Variants in GRIA3 observed in about 807,000 individuals in gnomAD.
The protein encoded by GRIA3 is glutamate ionotropic receptor AMPA type subunit 3, also known as glutamate receptor 3.
GRIA3 carries 3 observed loss-of-function variants against 63.0 expected under a neutral mutation model. The observed-to-expected ratio is 0.05, with a 90% CI of 0.02 to 0.12. The LOEUF is 0.12. Among genes scored for constraint, GRIA3 ranks in the 10% least tolerant of loss-of-function variants. GRIA3 has a pLI of 1.00. For synonymous variants in GRIA3, 274 were observed against 257.9 expected (o/e 1.06, Z -0.60); for missense variants, 347 against 700.9 (o/e 0.50, Z 5.70).
intron 5 of GRIA3, among the ~76,000 whole-genome samples, chrX:123,391,633 A>G (rs776430181): frequency 6.0e-4 from 67 of 111,848 alleles, no homozygotes; most frequent in Non-Finnish European, 1.1e-3. Flanking sequence ...TGGGCCCTCC[A>G]GGCAGCTTGC....
At chrX:123,285,539 T>C (rs1433830128) in intron 3 of GRIA3, among the ~76,000 whole-genome samples, 1 of 16,412 alleles carries the variant, frequency 6.1e-5, no homozygotes, top group East Asian at 2.0e-3. Context: ...AGGCTCAAAA[T>C]AAAGGGATGG....
intron 5 of GRIA3, among the ~76,000 whole-genome samples, chrX:123,380,355 ATC>A (rs1385016129): frequency 8.9e-6 from 1 of 112,091 alleles, no homozygotes; most frequent in Non-Finnish European, 1.9e-5. Context: ...GTGAGATGGT[ATC>A]TCATTGTGGT....
Position 123,489,154 on chromosome X carries a change from T to C in GRIA3, c.*444T>C, listed in dbSNP as rs926844771. Reference sequence around the variant, plus strand: ...ATTCAGCAAAGAGGCCCATCTAAGCTAAAAAAATTAATTCTTCCTGATTAA... The same window carrying C: ...ATTCAGCAAAGAGGCCCATCTAAGCCAAAAAAATTAATTCTTCCTGATTAA... On this transcript the variant is annotated 3_prime_UTR_variant, in exon 16 of 16. Coordinates refer to ENST00000620443, the MANE Select transcript of GRIA3 (RefSeq NM_007325.5). The C allele has an allele frequency of 9.2e-6, 1 of 109,132 alleles. No homozygotes were observed. Among genetic ancestry groups the C allele is most frequent in the African/African-American group, 3.4e-5 (1 of 29,661 alleles). The allele number at this position is 109,132 out of a possible 1,213,427, so 9.0% of individuals were successfully genotyped here. A position where few individuals can be genotyped will look rare whatever the true frequency, so the allele number is the denominator to read the frequency against.
chrX:123,326,759 CAGAG>C (rs752985141), intron 4 of GRIA3, among the ~76,000 whole-genome samples: 6 of 109,162 alleles, frequency 5.5e-5, no homozygotes, highest in African/African-American at 2.0e-4. Context: ...CCCTCTGGAT[CAGAG>C]AGAGAGAGAG....
intron 11 of GRIA3, among the ~76,000 whole-genome samples, chrX:123,423,273 G>T (rs748333503): frequency 8.9e-6 from 1 of 112,141 alleles, no homozygotes; most frequent in South Asian, 3.7e-4. Flanking sequence ...AGGGCAGGGG[G>T]TCTGTCCAGA....
At chrX:123,204,810 G>T in intron 2 of GRIA3, 1 of 288,633 alleles carries the variant, frequency 3.5e-6, no homozygotes, top group Non-Finnish European at 5.4e-6. Context: ...GCTTTGACCT[G>T]GAAATCCCAT....
At chrX:123,290,634 G>T (rs1242472993) in intron 3 of GRIA3, among the ~76,000 whole-genome samples, 2 of 77,785 alleles carry the variant, frequency 2.6e-5, no homozygotes, top group Non-Finnish European at 4.7e-5. Flanking sequence ...GTGTGTAAGG[G>T]TATATGTATA....
intron 2 of GRIA3, among the ~76,000 whole-genome samples, chrX:123,223,228 C>T (rs185802697): frequency 8.9e-6 from 1 of 112,876 alleles, no homozygotes; most frequent in East Asian, 2.8e-4. Flanking sequence ...TCAAGAATGT[C>T]CTTGACACTT....
At chrX:123,401,169 A>G (rs1186391777) in intron 7 of GRIA3, among the ~76,000 whole-genome samples, 1 of 111,948 alleles carries the variant, frequency 8.9e-6, no homozygotes, top group Non-Finnish European at 1.9e-5. Flanking sequence ...ACTGGACCAC[A>G]TCCTTAAAAA....
In GRIA3 at chrX:123,287,274, A is replaced by G. The variant is rs755648798; in HGVS notation, c.508+33732A>G. Among the ~76,000 whole-genome samples the G allele has an allele frequency of 8.1e-4, 91 of 111,928 alleles. 1 individual carries two copies. The South Asian group carries it at 0.033, about 41-fold the overall frequency. ...TTGAAGGAGCATACATCGAAATAATAAGATCTATTTATGACAAACCCACAG... is the reference window on the plus strand; with the variant it reads ...TTGAAGGAGCATACATCGAAATAATGAGATCTATTTATGACAAACCCACAG... On this transcript the variant is annotated intron_variant, in intron 3 of 15. Transcript: ENST00000620443.
At chrX:123,272,397 C>T (rs1478648981) in intron 3 of GRIA3, among the ~76,000 whole-genome samples, 1 of 112,206 alleles carries the variant, frequency 8.9e-6, no homozygotes, top group Non-Finnish European at 1.9e-5. Context: ...TAGGCCTTCA[C>T]CTTTGAGCCT....
At chrX:123,360,278 C>G (rs1221661743) in intron 5 of GRIA3, among the ~76,000 whole-genome samples, 1 of 110,673 alleles carries the variant, frequency 9.0e-6, no homozygotes, top group Non-Finnish European at 1.9e-5. Flanking sequence ...AAAGCCAGCA[C>G]CACAAAGGTC....
intron 5 of GRIA3, among the ~76,000 whole-genome samples, chrX:123,389,994 C>A (rs2045376544): frequency 8.9e-6 from 1 of 112,171 alleles, no homozygotes. Flanking sequence ...GCATGAGCCA[C>A]CGCGCCTGGC....
rs1187584091 is a variant in GRIA3 at position 123,403,536 on chromosome X, G to A, written c.1293+17G>A. The A allele has an allele frequency of 1.1e-6, 1 of 929,934 alleles. No individual in the cohort carries two copies. Among genetic ancestry groups the A allele is most frequent in the Admixed American group, 2.2e-5 (1 of 45,579 alleles). 76.6% of individuals were successfully genotyped at this position (929,934 alleles called of 1,213,427 possible). A position where few individuals can be genotyped will look rare whatever the true frequency, so the allele number is the denominator to read the frequency against. On this transcript the variant is annotated intron_variant, in intron 9 of 15. Coordinates refer to ENST00000620443, the MANE Select transcript of GRIA3 (RefSeq NM_007325.5). The stretch of plus-strand genomic sequence containing the variant: ...ACCATTCTGGTAAGTGTGAACAGAA[G>A]GTAGGTGGGCTTTCTGTCCAGCAAG...
At chrX:123,283,937 C>A (rs183148687) in intron 3 of GRIA3, among the ~76,000 whole-genome samples, 42 of 112,679 alleles carry the variant, frequency 3.7e-4, no homozygotes, top group African/African-American at 1.3e-3. Flanking sequence ...CCCTGACCCC[C>A]ATGCCTCCTG....
At chrX:123,187,673 A>T (rs1927316431) in intron 2 of GRIA3, among the ~76,000 whole-genome samples, 1 of 111,981 alleles carries the variant, frequency 8.9e-6, no homozygotes, top group Non-Finnish European at 1.9e-5. Context: ...AACTCCCTTC[A>T]GTGTCTTTTC....
intron 10 of GRIA3, among the ~76,000 whole-genome samples, chrX:123,411,743 A>C (rs1273922231): frequency 9.0e-6 from 1 of 111,432 alleles, no homozygotes; most frequent in African/African-American, 3.3e-5. Context: ...AAATCCTTTA[A>C]GTAGTCAAGA....
chrX:123,202,864 G>A, intron 2 of GRIA3: 1 of 939,920 alleles, frequency 1.1e-6, no homozygotes, highest in Non-Finnish European at 1.5e-6. Context: ...ATGCCGCAAA[G>A]AAGATCTCCC....
At chrX:123,444,439 T>C (rs2045692604) in intron 12 of GRIA3, among the ~76,000 whole-genome samples, 1 of 112,282 alleles carries the variant, frequency 8.9e-6, no homozygotes, top group African/African-American at 3.2e-5. Flanking sequence ...CAACTCCTTA[T>C]TCCTTACTCC....
Sources: allele counts gnomAD v4.1 joint callset (sites outside exome capture counted in the v4.1 genomes callset), GRCh38; gene constraint gnomAD v4.1.1; transcripts MANE v1.5; gene names NCBI Gene and HGNC (gene_info 2026-07-23, HGNC 2026-07-21).